The following CD36 variants were observed in gnomAD, a reference collection of about 807,000 sequenced individuals.
The protein encoded by CD36 is platelet glycoprotein 4.
CD36 carries 119 observed loss-of-function variants against 55.2 expected under a neutral mutation model. The ratio of observed to expected loss-of-function variants is 2.15; its 90% CI spans 1.86 to 2.51. CD36 has a LOEUF of 2.51. Among genes scored for constraint, CD36 ranks in the 30% most tolerant of loss-of-function variants. CD36 has a pLI of 0.00. For missense variants in CD36, 819 were observed against 555.5 expected (o/e 1.47, Z -4.77); for synonymous variants, 186 against 193.6 (o/e 0.96, Z 0.33).
chr7:80,620,894 A>G (rs1006994281), intron 1 of CD36, among the ~76,000 whole-genome samples: 3 of 152,258 alleles, frequency 2.0e-5, no homozygotes, highest in Non-Finnish European at 4.4e-5. Flanking sequence ...AAGTTGGTTG[A>G]TGAAGCAGTG....
At chr7:80,656,433 T>C in intron 3 of CD36, 107 bp from the exon 4 acceptor site, 1 of 930,108 alleles carries the variant, frequency 1.1e-6, no homozygotes, top group Non-Finnish European at 1.7e-6. Context: ...AATGAGGTAC[T>C]TGGGCTTGGT....
intron 14 of CD36, among the ~76,000 whole-genome samples, chr7:80,675,674 A>AT (rs1237637281): frequency 6.6e-6 from 1 of 152,110 alleles, no homozygotes; most frequent in Non-Finnish European, 1.5e-5. Flanking sequence ...AGATATGTAG[A>AT]TTTTCTTAAG....
At chr7:80,655,124 C>T (rs1795950407) in intron 3 of CD36, among the ~76,000 whole-genome samples, 1 of 152,068 alleles carries the variant, frequency 6.6e-6, no homozygotes, top group African/African-American at 2.4e-5. Context: ...TCAGAATGTT[C>T]CTGTGGTCAT....
rs1387567863 is a variant in CD36 at position 80,663,076 on chromosome 7, C to T, written c.516C>T (p.Val172=). The T allele has an allele frequency of 3.1e-6, 5 of 1,613,078 alleles. No individual in the cohort carries two copies. Among genetic ancestry groups the T allele is most frequent in the Non-Finnish European group, 4.2e-6 (5 of 1,179,346 alleles). ...INKSKSSMFQ[V]RTLRELLWGY... is the part of the protein sequence containing the mutation. Reference sequence around the variant, plus strand: ...AGTCAAAATCTTCTATGTTCCAAGTCAGAACTTTGAGAGAACTGTTATGGG... The same window carrying T: ...AGTCAAAATCTTCTATGTTCCAAGTTAGAACTTTGAGAGAACTGTTATGGG... Residue 172 remains valine (V), a synonymous_variant, in exon 6 of 15, where the codon GTC becomes GTT. Transcript: ENST00000447544.
Position 80,664,432 on chromosome 7 carries a change from T to C in CD36, c.636T>C (p.Tyr212=). Residue 212 remains tyrosine (Y), a synonymous_variant, in exon 7 of 15, where the codon TAT becomes TAC. Coordinates refer to ENST00000447544, the MANE Select transcript of CD36 (RefSeq NM_001001548.3). ...YPYNNTADGV[Y]KVFNGKDNIS... ...ACAACAATACTGCAGATGGAGTTTA[T>C]AAAGTTTTCAATGGAAAAGATAACA... The C allele has an allele frequency of 1.3e-6, 2 of 1,573,760 alleles. No homozygotes were observed. The highest frequency in any genetic ancestry group is 1.7e-6 in the Non-Finnish European group (2 of 1,143,614).
intron 4 of CD36, among the ~76,000 whole-genome samples, chr7:80,659,749 T>G (rs1184718917): frequency 6.6e-6 from 1 of 152,180 alleles, no homozygotes; most frequent in Admixed American, 6.6e-5. Flanking sequence ...TTCTGAAAAT[T>G]GAAGTACTTT....
chr7:80,673,115 T>G, intron 12 of CD36: 1 of 522,350 alleles, frequency 1.9e-6, no homozygotes. Context: ...GGAATTCATA[T>G]TTCAGTTCCC....
chr7:80,605,759 T>G (rs1792509483), intron 1 of CD36, among the ~76,000 whole-genome samples: 1 of 152,186 alleles, frequency 6.6e-6, no homozygotes. Flanking sequence ...CTAGTCTTGA[T>G]TTTATCTTGG....
At chr7:80,654,816 A>G (rs1411636754) in intron 3 of CD36, among the ~76,000 whole-genome samples, 2 of 152,046 alleles carry the variant, frequency 1.3e-5, no homozygotes, top group East Asian at 3.9e-4. Context: ...TTAAGCAATA[A>G]GTAAAATATC....
At chr7:80,674,227 CATATTAGGCCAT>C (rs1798043668) in intron 14 of CD36, 80 bp downstream of exon 14, 4 of 924,280 alleles carry the variant, frequency 4.3e-6, no homozygotes, top group Non-Finnish European at 6.9e-6. Context: ...AGAGAAGTTA[CATATTAGGCCAT>C]ATATATTTCT....
intron 1 of CD36, among the ~76,000 whole-genome samples, chr7:80,625,955 T>C (rs1793715939): frequency 1.3e-5 from 2 of 152,188 alleles, no homozygotes. Flanking sequence ...AATATTATTA[T>C]TCAATAAATT....
At chr7:80,667,888 C>T (rs938702010) in intron 8 of CD36, among the ~76,000 whole-genome samples, 10 of 151,292 alleles carry the variant, frequency 6.6e-5, no homozygotes, top group African/African-American at 9.7e-5. Context: ...GTAGTTGGGA[C>T]TACAGGCATG....
intron 9 of CD36, chr7:80,670,591 A>G: frequency 7.8e-6 from 2 of 257,652 alleles, no homozygotes; most frequent in South Asian, 1.0e-4. Context: ...TACCAGGTAT[A>G]TATCCAGCAT....
chr7:80,623,112 A>G (rs1382959892), intron 1 of CD36, among the ~76,000 whole-genome samples: 1 of 151,722 alleles, frequency 6.6e-6, no homozygotes, highest in African/African-American at 2.4e-5. Flanking sequence ...TGAAGATCTC[A>G]TTGTTAGTAT....
intron 12 of CD36, 60 bp downstream of exon 12, chr7:80,672,903 A>G: frequency 9.2e-7 from 1 of 1,081,872 alleles, no homozygotes; most frequent in Non-Finnish European, 1.4e-6. Context: ...ATCTTCTTGT[A>G]AGAACATGAG....
chr7:80,626,056 T>G (rs1343036912), intron 1 of CD36: 1 of 152,014 alleles, frequency 6.6e-6, no homozygotes, highest in Admixed American at 6.6e-5. Flanking sequence ...TAGCACAAAT[T>G]TTTGTATTTT....
At chr7:80,674,358 G>A (rs186789399) in intron 14 of CD36, 67 of 516,954 alleles carry the variant, frequency 1.3e-4, no homozygotes, top group African/African-American at 1.2e-3. Context: ...TGAGATAAAA[G>A]ATGTACTTGT....
chr7:80,603,320 C>T (rs1448902844), intron 1 of CD36, among the ~76,000 whole-genome samples: 2 of 152,052 alleles, frequency 1.3e-5, no homozygotes, highest in Non-Finnish European at 2.9e-5. Flanking sequence ...GGCTTCTTTG[C>T]CTTTACAAAA....
At chr7:80,659,245 TG>T (rs1186889715) in intron 4 of CD36, among the ~76,000 whole-genome samples, 3 of 152,138 alleles carry the variant, frequency 2.0e-5, no homozygotes, top group African/African-American at 7.2e-5. Flanking sequence ...CATCTGACAT[TG>T]GAAGTATGTG....
Sources: allele counts gnomAD v4.1 joint callset (sites outside exome capture counted in the v4.1 genomes callset), GRCh38; gene constraint gnomAD v4.1.1; transcripts MANE v1.5; gene names NCBI Gene and HGNC (gene_info 2026-07-23, HGNC 2026-07-21).